The following DIP2C variants were observed in gnomAD, a reference collection of about 807,000 sequenced individuals.
DIP2C encodes the protein DIP2 acetate--CoA ligase C (putative), also known as disco-interacting protein 2 homolog C.
Under a neutral mutation model 192.4 loss-of-function variants are expected in DIP2C, and 33 were observed. The ratio of observed to expected loss-of-function variants is 0.17; its 90% CI spans 0.13 to 0.23. The LOEUF (loss-of-function observed/expected upper bound fraction) is 0.23. Ranked by LOEUF, DIP2C falls within the 10% of genes least tolerant of loss-of-function variation. DIP2C has a pLI of 1.00. For missense variants in DIP2C, 1,537 were observed against 2,110.1 expected, an observed-to-expected ratio of 0.73 and a Z score of 5.32; for synonymous variants, 979 against 864.1, an observed-to-expected ratio of 1.13 and a Z score of -2.33.
In DIP2C at chr10:323,464, C is replaced by CGAGAGACCAGT. The variant is rs1564554522; in HGVS notation, c.3924+3541_3924+3542insACTGGTCTCTC. On this transcript the variant is annotated intron_variant, in intron 31 of 36. Coordinates refer to ENST00000280886, the MANE Select transcript of DIP2C (RefSeq NM_014974.3). Reference sequence around the variant, plus strand: ...GTGCGGGGCTCCAGCGAGAGACCAGCGTTGTTAGAACGCAGTCAGTCTGAG... The same window carrying CGAGAGACCAGT: ...GTGCGGGGCTCCAGCGAGAGACCAGCGAGAGACCAGTGTTGTTAGAACGCAGTCAGTCTGAG... Among the ~76,000 whole-genome samples the CGAGAGACCAGT allele has an allele frequency of 5.1e-5, 4 of 77,778 alleles. 2 individuals are homozygous for CGAGAGACCAGT. The allele number at this position is 77,778 out of a possible 152,430, so 51.0% of individuals were successfully genotyped here.
chr10:571,420 T>C (rs1387361543), intron 1 of DIP2C, among the ~76,000 whole-genome samples: 3 of 152,064 alleles, frequency 2.0e-5, no homozygotes, highest in Non-Finnish European at 4.4e-5. Context: ...CCGGGGCTCA[T>C]TTCCCAGGCT....
At chr10:582,461 A>AGGTC (rs1850731079) in intron 1 of DIP2C, among the ~76,000 whole-genome samples, 1 of 152,188 alleles carries the variant, frequency 6.6e-6, no homozygotes, top group South Asian at 2.1e-4. Context: ...TGCGCGCCTG[A>AGGTC]GGTCCCAGCT....
At chr10:660,330 G>A (rs1165135873) in intron 1 of DIP2C, among the ~76,000 whole-genome samples, 1 of 151,898 alleles carries the variant, frequency 6.6e-6, no homozygotes, top group Non-Finnish European at 1.5e-5. Flanking sequence ...CAAGCTCTGT[G>A]TATGAAACAG....
Position 557,939 on chromosome 10 carries a change from GA to G in DIP2C, c.86-71410del, listed in dbSNP as rs1234222468. On this transcript the variant is annotated intron_variant, in intron 1 of 36. Coordinates refer to ENST00000280886, the MANE Select transcript of DIP2C (RefSeq NM_014974.3). ...GGGGAAGGGGGAAACCCCAGAGGGCGAAACCCTGGAGGGCTGGAGGCAGGAG... is the reference window on the plus strand; with the variant it reads ...GGGGAAGGGGGAAACCCCAGAGGGCGAACCCTGGAGGGCTGGAGGCAGGAG... Among the ~76,000 whole-genome samples, 3 of 151,716 alleles carry G rather than the reference GA, an allele frequency of 2.0e-5. No homozygotes were observed. In the East Asian group the frequency reaches 5.8e-4, roughly 30 times the overall value.
intron 10 of DIP2C, among the ~76,000 whole-genome samples, chr10:398,303 C>T (rs1964151607): frequency 6.6e-6 from 1 of 152,172 alleles, no homozygotes; most frequent in Non-Finnish European, 1.5e-5. Context: ...CTCCACAACC[C>T]CGAACCCTAA....
intron 1 of DIP2C, among the ~76,000 whole-genome samples, chr10:586,534 C>T (rs1405540946): frequency 6.6e-6 from 1 of 152,200 alleles, no homozygotes; most frequent in African/African-American, 2.4e-5. Context: ...CTTTCTCGGC[C>T]TCCTCCGGGA....
chr10:362,352 T>C, intron 22 of DIP2C, 138 bp downstream of exon 22: 1 of 1,018,522 alleles, frequency 9.8e-7, no homozygotes. Context: ...ACCCATTCTA[T>C]TTTCTTGGGG....
At chr10:670,190 A>G (rs529417250) in intron 1 of DIP2C, among the ~76,000 whole-genome samples, 16 of 152,260 alleles carry the variant, frequency 1.1e-4, no homozygotes, top group South Asian at 4.1e-4. Flanking sequence ...ACACGTGTGT[A>G]CATGTGTGCA....
chr10:557,318 CAG>C (rs1037003028), intron 1 of DIP2C, among the ~76,000 whole-genome samples: 12 of 152,272 alleles, frequency 7.9e-5, no homozygotes, highest in Middle Eastern at 3.4e-3. Flanking sequence ...CACCGTGACT[CAG>C]GGGGACAGGG....
intron 1 of DIP2C, among the ~76,000 whole-genome samples, chr10:577,179 A>G (rs1431078064): frequency 6.6e-6 from 1 of 152,234 alleles, no homozygotes; most frequent in Non-Finnish European, 1.5e-5. Flanking sequence ...TAATCCTTTG[A>G]CAAGGTAAAA....
At chr10:421,640 T>G (rs1461075761) in intron 5 of DIP2C, among the ~76,000 whole-genome samples, 1 of 152,266 alleles carries the variant, frequency 6.6e-6, no homozygotes, top group Non-Finnish European at 1.5e-5. Flanking sequence ...AACTGAAGTT[T>G]AATACTGCTT....
rs1856021931 is a variant in DIP2C at position 652,729 on chromosome 10, T to C, written c.85+36765A>G. 6.6e-6 allele frequency: 1 copy of C among 152,252 alleles called. No individual in the cohort carries two copies. Among genetic ancestry groups the C allele is most frequent in the African/African-American group, 2.4e-5 (1 of 41,408 alleles). The allele number at this position is 152,252 out of a possible 1,614,324, so 9.4% of individuals were successfully genotyped here. A position where few individuals can be genotyped will look rare whatever the true frequency, so the allele number is the denominator to read the frequency against. On this transcript the variant is annotated intron_variant, in intron 1 of 36. Coordinates refer to ENST00000280886, the MANE Select transcript of DIP2C (RefSeq NM_014974.3). This position sits in a 1 kb window ranked among gnomAD's most constrained non-coding sequence, Gnocchi z 4.5. ...CGGTGCTGACCCCATGAGAACACTT[T>C]GTGCGTCTTTCTAGGTATTTTCTAT...
intron 19 of DIP2C, chr10:365,098 T>C: frequency 2.1e-6 from 1 of 467,750 alleles, no homozygotes; most frequent in South Asian, 1.6e-5. Flanking sequence ...CCCTTGCAGA[T>C]AAACCAGAGA....
intron 13 of DIP2C, 65 bp downstream of exon 13, chr10:389,926 T>C (rs1319674572): frequency 1.6e-6 from 2 of 1,277,268 alleles, no homozygotes; most frequent in Admixed American, 2.0e-5. Context: ...GGGAGTGATG[T>C]GGCCTTCGTG....
intron 26 of DIP2C, among the ~76,000 whole-genome samples, chr10:346,354 T>A (rs1341683779): frequency 2.1e-4 from 5 of 23,758 alleles, no homozygotes; most frequent in African/African-American, 3.9e-4. Flanking sequence ...AACCCCACAC[T>A]CACCCAACCC....
intron 18 of DIP2C, among the ~76,000 whole-genome samples, chr10:368,690 C>T (rs1190117573): frequency 1.3e-5 from 2 of 152,252 alleles, no homozygotes; most frequent in East Asian, 3.9e-4. Flanking sequence ...CCCACCTGAC[C>T]TGGCGCCCTG....
At chr10:668,457 T>TACACATACAAC (rs1857248566) in intron 1 of DIP2C, 1 of 151,568 alleles carries the variant, frequency 6.6e-6, no homozygotes, top group Non-Finnish European at 1.5e-5. Context: ...TCATACAACA[T>TACACATACAAC]ACACATACAA....
intron 2 of DIP2C, among the ~76,000 whole-genome samples, chr10:479,249 T>C (rs774733816): frequency 2.2e-4 from 33 of 151,444 alleles, no homozygotes; most frequent in Admixed American, 1.3e-3. Context: ...TTGTATTCAC[T>C]GGGATGGGAA....
chr10:315,202 G>A (rs538942964), intron 31 of DIP2C, among the ~76,000 whole-genome samples: 22 of 152,222 alleles, frequency 1.4e-4, no homozygotes, highest in Admixed American at 6.5e-4. Context: ...CACATGCTAC[G>A]AACACCTCAG....
Sources: gnomAD v4.1 joint callset for allele counts (sites outside exome capture counted in the v4.1 genomes callset) on GRCh38, gnomAD v4.1.1 for gene constraint, Gnocchi (gnomAD v3.1) non-coding constraint, MANE v1.5 for transcripts, NCBI Gene and HGNC (gene_info 2026-07-23, HGNC 2026-07-21) for gene names.